Variants in SIPA1L2 observed in about 807,000 individuals in gnomAD.
SIPA1L2 encodes the protein signal-induced proliferation-associated 1-like protein 2.
In SIPA1L2, 56 loss-of-function variants were observed where a neutral mutation model predicts 163.9. The ratio of observed to expected loss-of-function variants is 0.34; its 90% CI spans 0.28 to 0.43. The LOEUF is 0.43. SIPA1L2 is among the 20% of genes least tolerant of loss of function. The pLI is 1.00. For missense variants in SIPA1L2, 1,974 were observed against 2,193.5 expected (o/e 0.90, Z 2.00); for synonymous variants, 877 against 865.7 (o/e 1.01, Z -0.23).
intron 1 of SIPA1L2, among the ~76,000 whole-genome samples, chr1:232,598,169 A>C (rs563221480): frequency 6.6e-6 from 1 of 151,906 alleles, no homozygotes; most frequent in Non-Finnish European, 1.5e-5. Flanking sequence ...TGGGAGGCCA[A>C]GACAGGAGGA....
At chr1:232,591,109 C>A (rs1231094558) in intron 1 of SIPA1L2, among the ~76,000 whole-genome samples, 1 of 152,226 alleles carries the variant, frequency 6.6e-6, no homozygotes, top group African/African-American at 2.4e-5. Context: ...CTTGGCCTTA[C>A]TGACCTCCAG....
At chr1:232,443,774 C>G in intron 11 of SIPA1L2, 89 bp from the exon 12 acceptor site, 1 of 954,306 alleles carries the variant, frequency 1.0e-6, no homozygotes, top group East Asian at 2.8e-5. Flanking sequence ...AATAAATATA[C>G]TTTGAGAATG....
In SIPA1L2 at chr1:232,441,413, G is replaced by A. The variant is rs1289329072; in HGVS notation, c.3539-19C>T. The stretch of plus-strand genomic sequence containing the variant: ...TTGGTTTCTGTCACATAAAAAGAGA[G>A]GAGTTGAATTTCCAATTTCCAGTAT... On this transcript the variant is annotated intron_variant, in intron 13 of 22. Transcript: ENST00000674635. 1.9e-6 allele frequency: 3 copies of A among 1,585,000 alleles called. No homozygotes were observed. The highest frequency in any genetic ancestry group is 2.2e-5 in the East Asian group (1 of 44,694).
intron 15 of SIPA1L2, among the ~76,000 whole-genome samples, chr1:232,432,694 A>C (rs948155269): frequency 6.6e-6 from 1 of 152,240 alleles, no homozygotes; most frequent in Non-Finnish European, 1.5e-5. Context: ...TGTGGCAGGA[A>C]GGATGTTAAA....
chr1:232,454,210 G>GAGAT (rs1175840951), intron 10 of SIPA1L2, among the ~76,000 whole-genome samples: 1 of 152,136 alleles, frequency 6.6e-6, no homozygotes, highest in Non-Finnish European at 1.5e-5. Context: ...GATAGAAACA[G>GAGAT]AGATACCCAG....
In SIPA1L2 at chr1:232,465,793, C is replaced by T. The variant is rs111263282; in HGVS notation, c.2244-377G>A. ...AAGGAGGTGGCTAAGTGAAACCATT[C>T]GGGTGGGCCCTAATCCAACTGACTG... On this transcript the variant is annotated intron_variant, in intron 8 of 22. Coordinates refer to ENST00000674635, the MANE Select transcript of SIPA1L2 (RefSeq NM_020808.5). The surrounding 1 kb of genome is among the most constrained non-coding windows in gnomAD (Gnocchi z 4.1). Among the ~76,000 whole-genome samples, 38 of 151,896 alleles carry T rather than the reference C, an allele frequency of 2.5e-4. No individual in the cohort carries two copies. The highest frequency in any genetic ancestry group is 6.8e-3 in the Middle Eastern group (2 of 294).
At chr1:232,582,241 T>G (rs1413168106) in intron 1 of SIPA1L2, among the ~76,000 whole-genome samples, 2 of 152,152 alleles carry the variant, frequency 1.3e-5, no homozygotes. Context: ...ATGGGTATAT[T>G]GCACCCCGGC....
intron 1 of SIPA1L2, among the ~76,000 whole-genome samples, chr1:232,588,230 C>A (rs1377695419): frequency 6.6e-6 from 1 of 152,148 alleles, no homozygotes; most frequent in Non-Finnish European, 1.5e-5. Flanking sequence ...CTTCATTGAA[C>A]CCAACCTTGT....
intron 15 of SIPA1L2, among the ~76,000 whole-genome samples, chr1:232,434,784 C>T (rs1031491355): frequency 1.3e-5 from 2 of 152,260 alleles, no homozygotes; most frequent in Admixed American, 6.5e-5. Flanking sequence ...CATCCACATA[C>T]CCTTTTTCAA....
At chr1:232,410,557 T>G (rs1159520398) in intron 19 of SIPA1L2, among the ~76,000 whole-genome samples, 2 of 151,896 alleles carry the variant, frequency 1.3e-5, no homozygotes, top group Non-Finnish European at 2.9e-5. Context: ...TATATATATA[T>G]ATATACGCAA....
intron 16 of SIPA1L2, 41 bp downstream of exon 16, chr1:232,432,206 G>A: frequency 6.4e-7 from 1 of 1,553,294 alleles, no homozygotes. Context: ...AATCCCTACA[G>A]TGAAAAATGC....
intron 2 of SIPA1L2, among the ~76,000 whole-genome samples, chr1:232,530,484 C>G (rs1323988456): frequency 6.6e-6 from 1 of 152,118 alleles, no homozygotes; most frequent in Non-Finnish European, 1.5e-5. Context: ...TAAGCACATG[C>G]CTGAGGCCCT....
Position 232,448,889 on chromosome 1 carries a change from A to G in SIPA1L2, c.3096-3103T>C, listed in dbSNP as rs560745348. ...GCGGGACAACAGCAGTGGTTTTTAG[A>G]GAACAGAAAAGATGCAGAGTCAAGG... On this transcript the variant is annotated intron_variant, in intron 10 of 22. Transcript: ENST00000674635. Among the ~76,000 whole-genome samples the G allele has an allele frequency of 2.0e-5, 3 of 152,298 alleles. No individual in the cohort carries two copies. The South Asian group carries it at 6.2e-4, about 32-fold the overall frequency.
intron 7 of SIPA1L2, 36 bp downstream of exon 7, chr1:232,479,591 C>A (rs1178004727): frequency 6.5e-7 from 1 of 1,548,916 alleles, no homozygotes; most frequent in African/African-American, 1.4e-5. Context: ...AGATTTCATA[C>A]TCAGCGTAAA....
chr1:232,516,332 C>T (rs1195118191), intron 2 of SIPA1L2, among the ~76,000 whole-genome samples: 1 of 152,126 alleles, frequency 6.6e-6, no homozygotes, highest in Non-Finnish European at 1.5e-5. Flanking sequence ...TTTTCTTGTA[C>T]CTCAGTTGTC....
At chr1:232,407,430 A>T (rs1451780566) in intron 19 of SIPA1L2, among the ~76,000 whole-genome samples, 2 of 152,254 alleles carry the variant, frequency 1.3e-5, no homozygotes, top group East Asian at 3.8e-4. Context: ...TAACAGAAAA[A>T]GTTCTCATCA....
chr1:232,527,499 A>G (rs1157206086), intron 2 of SIPA1L2, among the ~76,000 whole-genome samples: 1 of 152,208 alleles, frequency 6.6e-6, no homozygotes. Context: ...TGGATTTGGA[A>G]TGTTTCAAGT....
intron 1 of SIPA1L2, among the ~76,000 whole-genome samples, chr1:232,593,233 A>G (rs113802112): frequency 3.9e-4 from 59 of 152,344 alleles, no homozygotes; most frequent in African/African-American, 1.4e-3. Context: ...TCTCATAGAG[A>G]TATCTTTAAA....
chr1:232,598,561 C>T (rs1388594296), intron 1 of SIPA1L2, among the ~76,000 whole-genome samples: 2 of 152,186 alleles, frequency 1.3e-5, no homozygotes, highest in Non-Finnish European at 2.9e-5. Context: ...AGCTGGGTAG[C>T]TTATAAACCA....
Sources: allele counts gnomAD v4.1 joint callset (sites outside exome capture counted in the v4.1 genomes callset), GRCh38; gene constraint gnomAD v4.1.1; non-coding constraint Gnocchi (gnomAD v3.1); transcripts MANE v1.5; gene names NCBI Gene and HGNC (gene_info 2026-07-23, HGNC 2026-07-21).